The following ZNF462 variants were observed in gnomAD, a reference collection of about 807,000 sequenced individuals.
The protein encoded by ZNF462 is zinc finger protein 462, also known as zinc finger PBX1-interacting protein.
ZNF462 carries 10 observed loss-of-function variants against 201.9 expected under a neutral mutation model. The observed-to-expected ratio is 0.05, with a 90% CI of 0.03 to 0.08. The LOEUF (loss-of-function observed/expected upper bound fraction) is 0.08. Ranked by LOEUF, ZNF462 falls within the 10% of genes least tolerant of loss-of-function variation. The pLI is 1.00. For missense variants in ZNF462, 2,523 were observed against 3,168.3 expected (o/e 0.80, Z 4.89); for synonymous variants, 1,227 against 1,193.3 (o/e 1.03, Z -0.58).
intron 11 of ZNF462, among the ~76,000 whole-genome samples, chr9:107,007,063 A>G (rs1336974396): frequency 1.3e-5 from 2 of 152,172 alleles, no homozygotes. Flanking sequence ...TTTGACAGAA[A>G]GACTCCTTTT....
intron 1 of ZNF462, among the ~76,000 whole-genome samples, chr9:106,869,677 G>A (rs1242653059): frequency 2.0e-5 from 3 of 152,128 alleles, no homozygotes; most frequent in East Asian, 3.9e-4. Flanking sequence ...GTTGACTGTC[G>A]AAAATAAAAT....
At chr9:106,896,365 T>A (rs1376847000) in intron 1 of ZNF462, among the ~76,000 whole-genome samples, 1 of 152,138 alleles carries the variant, frequency 6.6e-6, no homozygotes. Context: ...GCAGAGAGCT[T>A]CAGATCAATG....
chr9:107,004,496 C>T (rs1020141328), intron 11 of ZNF462, among the ~76,000 whole-genome samples: 20 of 151,992 alleles, frequency 1.3e-4, no homozygotes, highest in African/African-American at 4.1e-4. Context: ...TAATCACAAT[C>T]GTAATAATGA....
upstream of ZNF462, chr9:106,863,028 A>G (rs1331599726): frequency 5.2e-6 from 2 of 388,036 alleles, no homozygotes; most frequent in Non-Finnish European, 9.1e-6. Context: ...AGGGAGAGAG[A>G]GAGAGCGCGC....
In ZNF462 at chr9:106,935,516, A is replaced by G. The variant is rs1564116393; in HGVS notation, c.6130A>G (p.Met2044Val). The change falls in exon 6 of 13, where the codon ATG becomes GTG. Residue 2044 changes from methionine (M) to valine (V), a missense_variant. Coordinates refer to ENST00000277225, the MANE Select transcript of ZNF462 (RefSeq NM_021224.6). The surrounding 1 kb of genome is among the most constrained non-coding windows in gnomAD (Gnocchi z 4.1). ...TTCTACATCAAGTTTGGATCGCCAT[A>G]TGCAAACCCACCACGGACACCATAA... is the stretch of plus-strand genomic sequence containing the variant. Reference protein sequence around the residue: ...SAFRHNLDRHMQTHHGHHKPF... With the variant: ...SAFRHNLDRHVQTHHGHHKPF... The G allele has an allele frequency of 6.2e-7, 1 of 1,614,044 alleles. No homozygotes were observed. The highest frequency in any genetic ancestry group is 2.2e-5 in the East Asian group (1 of 44,876).
rs1831918316 is a variant in ZNF462 at position 106,963,195 on chromosome 9, G to A, written c.6428-8810G>A. ...TCTGCTCAGTGTTAACAGCACTTGA[G>A]AAACAGGTATTTTGAGAATGGGAAT... On this transcript the variant is annotated intron_variant, in intron 7 of 12. Coordinates refer to ENST00000277225, the MANE Select transcript of ZNF462 (RefSeq NM_021224.6). This position sits in a 1 kb window ranked among gnomAD's most constrained non-coding sequence, Gnocchi z 4.7. Among the ~76,000 whole-genome samples the A allele has an allele frequency of 6.6e-6, 1 of 152,084 alleles. No individual in the cohort carries two copies. Among genetic ancestry groups the A allele is most frequent in the South Asian group, 2.1e-4 (1 of 4,832 alleles).
rs73524903 is a variant in ZNF462 at position 106,962,247 on chromosome 9, G to C, written c.6428-9758G>C. Among the ~76,000 whole-genome samples the C allele has an allele frequency of 0.043, 6,614 of 152,162 alleles. 436 individuals carry two copies. The highest frequency in any genetic ancestry group is 0.15 in the African/African-American group (6,135 of 41,532). On this transcript the variant is annotated intron_variant, in intron 7 of 12. Transcript: ENST00000277225. The surrounding 1 kb of genome is among the most constrained non-coding windows in gnomAD (Gnocchi z 4.6). ...AGTGGGCTAGTGAGTGGATCACAGAGATAGAGTTTCTCAGGAGGCTGAACC... is the reference window on the plus strand; with the variant it reads ...AGTGGGCTAGTGAGTGGATCACAGACATAGAGTTTCTCAGGAGGCTGAACC...
chr9:106,937,624 G>A (rs893749377), intron 6 of ZNF462, among the ~76,000 whole-genome samples: 3 of 152,004 alleles, frequency 2.0e-5, no homozygotes, highest in Non-Finnish European at 4.4e-5. Flanking sequence ...AAACGCCACT[G>A]TTGTTAACAT....
Position 106,972,697 on chromosome 9 carries a change from C to G in ZNF462, c.6695+425C>G, listed in dbSNP as rs932826371. 2.0e-5 allele frequency among the ~76,000 whole-genome samples: 3 copies of G among 148,150 alleles called. No individual in the cohort carries two copies. Among genetic ancestry groups the G allele is most frequent in the African/African-American group, 7.3e-5 (3 of 41,064 alleles). On this transcript the variant is annotated intron_variant, in intron 8 of 12. Coordinates refer to ENST00000277225, the MANE Select transcript of ZNF462 (RefSeq NM_021224.6). The surrounding 1 kb of genome is among the most constrained non-coding windows in gnomAD (Gnocchi z 4.8). Reference sequence around the variant, plus strand: ...TTCCCTGCTCCCCTGATAGAAAATTCTTTAATTCTTAAGATCGTAGTATTG... The same window carrying G: ...TTCCCTGCTCCCCTGATAGAAAATTGTTTAATTCTTAAGATCGTAGTATTG...
rs887624505 is a variant in ZNF462 at position 106,981,247 on chromosome 9, C to G, written c.6833-2939C>G. On this transcript the variant is annotated intron_variant, in intron 9 of 12. Coordinates refer to ENST00000277225, the MANE Select transcript of ZNF462 (RefSeq NM_021224.6). This position sits in a 1 kb window ranked among gnomAD's most constrained non-coding sequence, Gnocchi z 4.0. ...ACCCTTTCCTCAAATGTAGAAGGTG[C>G]TTGAAAGACATTCAGATATAAAGGG... Among the ~76,000 whole-genome samples, 4 of 152,174 alleles carry G rather than the reference C, an allele frequency of 2.6e-5. No individual in the cohort carries two copies. The highest frequency in any genetic ancestry group is 4.4e-5 in the Non-Finnish European group (3 of 68,042).
chr9:107,011,099 C>A lies in ZNF462; in HGVS notation c.*69C>A. 1 of 1,517,048 alleles carries A rather than the reference C, an allele frequency of 6.6e-7. No homozygotes were observed. Among genetic ancestry groups the A allele is most frequent in the Non-Finnish European group, 9.0e-7 (1 of 1,107,728 alleles). The allele number at this position is 1,517,048 out of a possible 1,614,324, so 94.0% of individuals were successfully genotyped here. On this transcript the variant is annotated 3_prime_UTR_variant, in exon 13 of 13. Coordinates refer to ENST00000277225, the MANE Select transcript of ZNF462 (RefSeq NM_021224.6). The surrounding 1 kb of genome is among the most constrained non-coding windows in gnomAD (Gnocchi z 5.6). ...GAAAAAGTGGGAGGGCTGGCTTGGG[C>A]TGAGAAGGGAGGGACAGAAAAGAGA...
chr9:106,965,756 ATG>A (rs1442476838), intron 7 of ZNF462, among the ~76,000 whole-genome samples: 1 of 152,110 alleles, frequency 6.6e-6, no homozygotes, highest in East Asian at 1.9e-4. Context: ...GAAGACTCAG[ATG>A]ATCACAAAGC....
In ZNF462 at chr9:107,012,606, T is replaced by A. The variant is rs1307210055; in HGVS notation, c.*1576T>A. The A allele has an allele frequency of 6.6e-6, 1 of 151,782 alleles. No individual in the cohort carries two copies. The highest frequency in any genetic ancestry group is 1.5e-5 in the Non-Finnish European group (1 of 67,986). The allele number at this position is 151,782 out of a possible 1,614,324, so 9.4% of individuals were successfully genotyped here. ...CCAAAAAATAGAAAAGAACTTTTCT[T>A]GAAGCCTAGGTTTTAGAAGCCCGTG... On this transcript the variant is annotated 3_prime_UTR_variant, in exon 13 of 13. Coordinates refer to ENST00000277225, the MANE Select transcript of ZNF462 (RefSeq NM_021224.6).
At chr9:106,983,505 G>A (rs1827599705) in intron 9 of ZNF462, among the ~76,000 whole-genome samples, 1 of 152,186 alleles carries the variant, frequency 6.6e-6, no homozygotes, top group South Asian at 2.1e-4. Flanking sequence ...GGAGGGAAGA[G>A]TCTCTTTGAG....
In ZNF462 at chr9:106,928,040, C is replaced by G. The variant is rs181944685; in HGVS notation, c.4128C>G (p.Phe1376Leu). 1.9e-6 allele frequency: 3 copies of G among 1,614,134 alleles called. No homozygotes were observed. Among genetic ancestry groups the G allele is most frequent in the East Asian group, 2.2e-5 (1 of 44,866 alleles). Residue 1376 changes from phenylalanine to leucine, a missense_variant, in exon 3 of 13, where the codon TTC becomes TTG. This residue lies in a region of ZNF462 where 165 missense variants were observed against 142.6 expected (regional missense o/e 1.16). Coordinates refer to ENST00000277225, the MANE Select transcript of ZNF462 (RefSeq NM_021224.6). This position sits in a 1 kb window ranked among gnomAD's most constrained non-coding sequence, Gnocchi z 9.3. The part of the protein sequence containing the change: ...AKTYRCRDCV[F>L]EAVSIWDITN... ...CCTACAGATGCAGGGACTGTGTTTTCGAAGCTGTTTCCATCTGGGACATCA... is the reference window on the plus strand; with the variant it reads ...CCTACAGATGCAGGGACTGTGTTTTGGAAGCTGTTTCCATCTGGGACATCA...
At position 106,926,081 on chromosome 9, in the gene ZNF462, TGAAGAG is replaced by T. The variant is rs763315108; in HGVS notation, c.2181_2186del (p.Glu727_Glu728del). The T allele has an allele frequency of 3.1e-6, 5 of 1,614,066 alleles. No individual in the cohort carries two copies. The South Asian group carries it at 4.4e-5, about 14-fold the overall frequency. On this transcript the variant is annotated inframe_deletion, in exon 3 of 13. Coordinates refer to ENST00000277225, the MANE Select transcript of ZNF462 (RefSeq NM_021224.6). This position sits in a 1 kb window ranked among gnomAD's most constrained non-coding sequence, Gnocchi z 7.9. The stretch of plus-strand genomic sequence containing the variant: ...ATGCAGTGATCAATGTTGAGGATGA[TGAAGAG>T]GAAGAGGAAGACAACGAAGTCGAGA...
In ZNF462 at chr9:106,984,770, T is replaced by C. The variant is rs956860364; in HGVS notation, c.7056+361T>C. 1.1e-4 allele frequency among the ~76,000 whole-genome samples: 16 copies of C among 152,274 alleles called. No individual in the cohort carries two copies. Among genetic ancestry groups the C allele is most frequent in the Non-Finnish European group, 2.4e-4 (16 of 68,046 alleles). ...TTATTCTAAAAGAAGTATTTTGCTA[T>C]GTTATTTGAAATGTTAATACATTTT... On this transcript the variant is annotated intron_variant, in intron 10 of 12. Coordinates refer to ENST00000277225, the MANE Select transcript of ZNF462 (RefSeq NM_021224.6). This position sits in a 1 kb window ranked among gnomAD's most constrained non-coding sequence, Gnocchi z 6.4.
At chr9:106,909,581 A>T (rs1253764730) in intron 1 of ZNF462, among the ~76,000 whole-genome samples, 1 of 152,062 alleles carries the variant, frequency 6.6e-6, no homozygotes, top group African/African-American at 2.4e-5. Flanking sequence ...ATCATTTTTT[A>T]TTACTTTTAT....
rs1435979766 is a variant in ZNF462, at chr9:106,919,033, T to C, written c.-30-4321T>C. On this transcript the variant is annotated intron_variant, in intron 1 of 12. Transcript: ENST00000277225. The surrounding 1 kb of genome is among the most constrained non-coding windows in gnomAD (Gnocchi z 4.5). ...TCTCAAAGGCTTTGAAGGTTATAAT[T>C]AGTTGCTACTGAATCACATGGCTGT... 6.6e-6 allele frequency among the ~76,000 whole-genome samples: 1 copy of C among 152,240 alleles called. No individual in the cohort carries two copies. Among genetic ancestry groups the C allele is most frequent in the Non-Finnish European group, 1.5e-5 (1 of 68,038 alleles).
Sources: gnomAD v4.1 joint callset for allele counts (sites outside exome capture counted in the v4.1 genomes callset) on GRCh38, gnomAD v4.1.1 for gene constraint, gnomAD v4.1.1 regional missense constraint, Gnocchi (gnomAD v3.1) non-coding constraint, MANE v1.5 for transcripts, NCBI Gene and HGNC (gene_info 2026-07-23, HGNC 2026-07-21) for gene names.